The following ATG3 variants were observed in gnomAD, a reference collection of about 807,000 sequenced individuals.
ATG3 encodes the protein ubiquitin-like-conjugating enzyme ATG3.
A neutral mutation model predicts 50.7 loss-of-function variants in ATG3; 25 were observed. The observed-to-expected ratio is 0.49, with a 90% confidence interval of 0.36 to 0.69. ATG3 has a LOEUF of 0.69. Ranked by LOEUF, ATG3 falls within the 30% of genes least tolerant of loss-of-function variation. The pLI, the probability that ATG3 is intolerant of heterozygous loss-of-function variation, is 0.00. For missense variants in ATG3, 281 were observed against 376.0 expected (o/e 0.75, Z 2.09); for synonymous variants, 119 against 125.5 (o/e 0.95, Z 0.34).
chr3:112,559,499 A>G (rs1169029931), intron 1 of ATG3, among the ~76,000 whole-genome samples: 1 of 152,246 alleles, frequency 6.6e-6, no homozygotes, highest in Non-Finnish European at 1.5e-5. Context: ...ATGGTAATGA[A>G]TAACATACCA....
intron 2 of ATG3, among the ~76,000 whole-genome samples, 172 bp from the exon 3 acceptor site, chr3:112,553,501 T>C (rs1185809734): frequency 6.6e-6 from 1 of 152,242 alleles, no homozygotes; most frequent in African/African-American, 2.4e-5. Flanking sequence ...AGATTTATTT[T>C]TGATTATGAC....
chr3:112,559,674 G>A (rs927776216), intron 1 of ATG3, among the ~76,000 whole-genome samples: 1 of 152,172 alleles, frequency 6.6e-6, no homozygotes, highest in Non-Finnish European at 1.5e-5. Context: ...TTCAGATAGA[G>A]GGAAGAGCAC....
chr3:112,560,579 T>C (rs1355958457), intron 1 of ATG3, among the ~76,000 whole-genome samples: 1 of 150,734 alleles, frequency 6.6e-6, no homozygotes, highest in African/African-American at 2.4e-5. Context: ...TAAAAACAAC[T>C]AGAAAAAAAA....
intron 2 of ATG3, among the ~76,000 whole-genome samples, chr3:112,555,946 C>A (rs1466622473): frequency 6.6e-6 from 1 of 152,186 alleles, no homozygotes; most frequent in African/African-American, 2.4e-5. Context: ...CTTTGCATCT[C>A]TAACTGCAAC....
chr3:112,545,774 G>T (rs1466252874), intron 5 of ATG3, among the ~76,000 whole-genome samples: 8 of 152,188 alleles, frequency 5.3e-5, no homozygotes, highest in Non-Finnish European at 1.0e-4. Flanking sequence ...TGACTCTAAT[G>T]AGAGTAATAC....
intron 5 of ATG3, among the ~76,000 whole-genome samples, chr3:112,547,045 G>A (rs1933387603): frequency 6.6e-6 from 1 of 152,178 alleles, no homozygotes; most frequent in Non-Finnish European, 1.5e-5. Context: ...ACTGACCTAA[G>A]AAGGAACTTT....
At chr3:112,558,446 T>C in intron 1 of ATG3, 29 bp from the exon 2 acceptor site, 1 of 1,498,952 alleles carries the variant, frequency 6.7e-7, no homozygotes, top group Non-Finnish European at 9.3e-7. Flanking sequence ...AAAACAATAT[T>C]ATATCATGTT....
At chr3:112,540,761 A>AG (rs1933203783) in intron 7 of ATG3, among the ~76,000 whole-genome samples, 1 of 149,854 alleles carries the variant, frequency 6.7e-6, no homozygotes. Flanking sequence ...ACCAAGAGAG[A>AG]AAAAAAAAAG....
chr3:112,546,321 C>T (rs986664266), intron 5 of ATG3, among the ~76,000 whole-genome samples: 1 of 152,120 alleles, frequency 6.6e-6, no homozygotes, highest in African/African-American at 2.4e-5. Flanking sequence ...GACAGTCGAC[C>T]TGATAATCGA....
At chr3:112,561,253 C>T (rs1255090232) in intron 1 of ATG3, among the ~76,000 whole-genome samples, 1 of 152,158 alleles carries the variant, frequency 6.6e-6, no homozygotes, top group Non-Finnish European at 1.5e-5. Context: ...GAGCGTCGCT[C>T]CAAGTTTACC....
intron 1 of ATG3, among the ~76,000 whole-genome samples, chr3:112,560,194 G>A: frequency 6.6e-6 from 1 of 152,192 alleles, no homozygotes; most frequent in African/African-American, 2.4e-5. Flanking sequence ...GTACAATGGT[G>A]TATTATTAAA....
chr3:112,545,734 T>C (rs867842312), intron 5 of ATG3, among the ~76,000 whole-genome samples: 3 of 152,188 alleles, frequency 2.0e-5, no homozygotes, highest in Non-Finnish European at 4.4e-5. Context: ...AGAAGTAGGA[T>C]ACAGTTGACA....
At chr3:112,558,353 T>A in intron 2 of ATG3, 23 bp downstream of exon 2, 1 of 1,562,674 alleles carries the variant, frequency 6.4e-7, no homozygotes, top group Non-Finnish European at 8.7e-7. Context: ...ATAAAAAGAC[T>A]TCAGTATATC....
intron 10 of ATG3, chr3:112,535,293 T>C (rs1305359887): frequency 2.0e-5 from 3 of 152,314 alleles, no homozygotes; most frequent in East Asian, 3.9e-4. Context: ...AGGCAGCCCA[T>C]GGAATGGTCT....
At chr3:112,544,658 G>GA (rs576984897) in intron 5 of ATG3, among the ~76,000 whole-genome samples, 3 of 64,100 alleles carry the variant, frequency 4.7e-5, no homozygotes, top group Non-Finnish European at 1.0e-4. Flanking sequence ...CCGTCTCAGG[G>GA]AAAAAAAAAA....
At chr3:112,550,572 T>G (rs949777365) in intron 3 of ATG3, among the ~76,000 whole-genome samples, 2 of 152,034 alleles carry the variant, frequency 1.3e-5, no homozygotes, top group Admixed American at 6.5e-5. Context: ...TAAACAACAA[T>G]AAAATATGCT....
chr3:112,537,110 C>A (rs76384579), intron 9 of ATG3, among the ~76,000 whole-genome samples: 3,235 of 151,918 alleles, frequency 0.021, 53 homozygotes, highest in Non-Finnish European at 0.032. Context: ...AAGGGAGGGA[C>A]AGGAAGGAGT....
intron 3 of ATG3, among the ~76,000 whole-genome samples, chr3:112,552,216 C>T (rs1184770960): frequency 1.3e-5 from 2 of 152,068 alleles, no homozygotes; most frequent in African/African-American, 4.8e-5. Context: ...GGTGATAATT[C>T]CAAACAATCC....
Position 112,561,745 on chromosome 3 carries a change from C to A in ATG3, c.-217G>T. 1.8e-6 allele frequency: 1 copy of A among 549,900 alleles called. No homozygotes were observed. Among genetic ancestry groups the A allele is most frequent in the East Asian group, 3.4e-5 (1 of 29,530 alleles). 34.1% of individuals were successfully genotyped at this position (549,900 alleles called of 1,614,324 possible). ...AGACGGGGTGCGCGATCCTCGCACCCCAGGCAGCCCGCGACGGACCGGACC... is the reference window on the plus strand; with the variant it reads ...AGACGGGGTGCGCGATCCTCGCACCACAGGCAGCCCGCGACGGACCGGACC... On this transcript the variant is annotated 5_prime_UTR_variant, in exon 1 of 12. Coordinates refer to ENST00000283290, the MANE Select transcript of ATG3 (RefSeq NM_022488.5).
Sources: gnomAD v4.1 joint callset for allele counts (sites outside exome capture counted in the v4.1 genomes callset) on GRCh38, gnomAD v4.1.1 for gene constraint, MANE v1.5 for transcripts, NCBI Gene and HGNC (gene_info 2026-07-23, HGNC 2026-07-21) for gene names.